The following PCDHGB3 variants were observed in gnomAD, a reference collection of about 807,000 sequenced individuals.
The protein encoded by PCDHGB3 is protocadherin gamma subfamily B, 3.
Under a neutral mutation model 59.2 loss-of-function variants are expected in PCDHGB3, and 40 were observed. The observed-to-expected ratio is 0.68, with a 90% CI of 0.52 to 0.88. The LOEUF (loss-of-function observed/expected upper bound fraction) is 0.88, where lower values mean the gene tolerates loss of function less well. Among genes scored for constraint, PCDHGB3 ranks in the 40% least tolerant of loss-of-function variants. PCDHGB3 has a pLI of 0.00. For missense variants in PCDHGB3, 1,309 were observed against 1,187.9 expected (o/e 1.10, Z -1.50); for synonymous variants, 581 against 503.6 (o/e 1.15, Z -2.06).
At position 141,477,748 on chromosome 5, in the gene PCDHGB3, C is replaced by T; in HGVS notation, c.2416-17059C>T. ...CAGCTCATATCAGCGATGGGGGCAC[C>T]CCGGTCCTAGCCACCAACATCAGCG... On this transcript the variant is annotated intron_variant, in intron 1 of 3. Transcript: ENST00000576222. The surrounding 1 kb of genome is among the most constrained non-coding windows in gnomAD (Gnocchi z 4.9). 6.2e-7 allele frequency: 1 copy of T among 1,613,872 alleles called. No homozygotes were observed. The highest frequency in any genetic ancestry group is 1.1e-5 in the South Asian group (1 of 91,080).
chr5:141,423,230 G>C (rs1223173152), intron 1 of PCDHGB3: 1 of 1,613,872 alleles, frequency 6.2e-7, no homozygotes, highest in Admixed American at 1.7e-5. Context: ...GTGGCCGACA[G>C]CATCCCCGAA....
At chr5:141,450,293 G>A (rs879439714) in intron 1 of PCDHGB3, among the ~76,000 whole-genome samples, 6 of 151,746 alleles carry the variant, frequency 4.0e-5, no homozygotes, top group Non-Finnish European at 7.4e-5. Flanking sequence ...GATTACAGGC[G>A]TGAGCCACCA....
In PCDHGB3 at chr5:141,477,854, C is replaced by G; in HGVS notation, c.2416-16953C>G. 3.1e-6 allele frequency: 5 copies of G among 1,614,098 alleles called. No individual in the cohort carries two copies. Among genetic ancestry groups the G allele is most frequent in the Non-Finnish European group, 4.2e-6 (5 of 1,180,004 alleles). ...GCCAGGTGGGAGCTCGGTGGAGATG[C>G]TGCCTCGAGGTACCTCAGCTGGCCA... On this transcript the variant is annotated intron_variant, in intron 1 of 3. Transcript: ENST00000576222. This position sits in a 1 kb window ranked among gnomAD's most constrained non-coding sequence, Gnocchi z 4.9.
At chr5:141,419,789 G>A (rs758649709) in intron 1 of PCDHGB3, 2 of 1,614,068 alleles carry the variant, frequency 1.2e-6, no homozygotes, top group South Asian at 2.2e-5. Context: ...GCGCCTGCTA[G>A]TCGCTGTAAG....
chr5:141,434,481 A>G (rs2097697198), intron 1 of PCDHGB3, among the ~76,000 whole-genome samples: 1 of 152,246 alleles, frequency 6.6e-6, no homozygotes, highest in Non-Finnish European at 1.5e-5. Context: ...GGCAAGGAAC[A>G]CCTGGCCCGC....
chr5:141,473,263 T>C (rs2099318134), intron 1 of PCDHGB3, among the ~76,000 whole-genome samples: 1 of 152,210 alleles, frequency 6.6e-6, no homozygotes, highest in African/African-American at 2.4e-5. Context: ...GTCCTTAGTG[T>C]ATGCTATGAT....
intron 1 of PCDHGB3, chr5:141,429,167 T>TAC (rs1357037045): frequency 6.6e-5 from 9 of 136,102 alleles, no homozygotes; most frequent in African/African-American, 8.8e-5. Context: ...AGACATTGTT[T>TAC]ATACACACAC....
intron 3 of PCDHGB3, among the ~76,000 whole-genome samples, chr5:141,510,518 GC>G (rs2099881500): frequency 6.6e-6 from 1 of 152,112 alleles, no homozygotes; most frequent in Non-Finnish European, 1.5e-5. Context: ...CCGTGTCACA[GC>G]CCTGAGAGAA....
chr5:141,375,096 T>C lies in PCDHGB3; in HGVS notation c.2415+2287T>C, dbSNP rs764268392. 1.9e-5 allele frequency: 30 copies of C among 1,613,836 alleles called. No homozygotes were observed. The highest frequency in any genetic ancestry group is 2.5e-5 in the Non-Finnish European group (29 of 1,179,900). ...AGAGCGAAAGTCTTAATAACTATCT[T>C]GGATGTCAATGATAATGTACCAGAA... is the stretch of plus-strand genomic sequence containing the variant. On this transcript the variant is annotated intron_variant, in intron 1 of 3. Coordinates refer to ENST00000576222, the MANE Select transcript of PCDHGB3 (RefSeq NM_018924.5).
At chr5:141,505,353 G>A (rs376781305) in intron 2 of PCDHGB3, 40 bp from the exon 3 acceptor site, 51 of 1,613,426 alleles carry the variant, frequency 3.2e-5, no homozygotes, top group East Asian at 2.7e-4. Flanking sequence ...GAGCTGTGCC[G>A]GCCTGGGAGT....
chr5:141,383,085 C>T (rs773972778), intron 1 of PCDHGB3: 1 of 1,613,744 alleles, frequency 6.2e-7, no homozygotes, highest in Non-Finnish European at 8.5e-7. Flanking sequence ...TGGCGGAGCG[C>T]GGAGTCCGCA....
At chr5:141,392,763 A>G in intron 1 of PCDHGB3, 4 of 1,480,256 alleles carry the variant, frequency 2.7e-6, no homozygotes, top group Non-Finnish European at 3.6e-6. Context: ...ACTAAATAAG[A>G]CCCATTTATG....
At chr5:141,422,997 C>T (rs114907564) in intron 1 of PCDHGB3, 28,679 of 1,614,218 alleles carry the variant, frequency 0.018, 311 homozygotes, top group Non-Finnish European at 0.021. Context: ...ACCTGGTGAC[C>T]AAGGTGGTTG....
intron 1 of PCDHGB3, chr5:141,407,948 G>T (rs978962452): frequency 7.0e-6 from 4 of 572,054 alleles, no homozygotes; most frequent in Non-Finnish European, 1.1e-5. Flanking sequence ...GCCGCTGTCG[G>T]CCAGTGCAGA....
At chr5:141,422,566 A>G (rs2096656660) in intron 1 of PCDHGB3, 1 of 1,614,020 alleles carries the variant, frequency 6.2e-7, no homozygotes, top group Non-Finnish European at 8.5e-7. Flanking sequence ...GGCAGATGAC[A>G]ACGATAACCC....
At chr5:141,383,997 T>C (rs1160859584) in intron 1 of PCDHGB3, 1 of 1,613,870 alleles carries the variant, frequency 6.2e-7, no homozygotes, top group Admixed American at 1.7e-5. Flanking sequence ...GGACAGTCAT[T>C]GCTCTTTTCT....
intron 1 of PCDHGB3, chr5:141,403,515 G>A: frequency 6.2e-7 from 1 of 1,614,024 alleles, no homozygotes; most frequent in Non-Finnish European, 8.5e-7. Context: ...GGAGACAATG[G>A]AGCCATAAAC....
At chr5:141,414,395 G>GAAAAGTCC (rs1226242642) in intron 1 of PCDHGB3, 1 of 1,613,924 alleles carries the variant, frequency 6.2e-7, no homozygotes, top group South Asian at 1.1e-5. Context: ...AGTTATTACA[G>GAAAAGTCC]ATTGGTGATA....
At chr5:141,409,030 G>C (rs377547144) in intron 1 of PCDHGB3, 2 of 1,614,010 alleles carry the variant, frequency 1.2e-6, no homozygotes, top group South Asian at 2.2e-5. Context: ...TCAATGCTGA[G>C]ATAAACTACT....
Sources: gnomAD v4.1 joint callset for allele counts (sites outside exome capture counted in the v4.1 genomes callset) on GRCh38, gnomAD v4.1.1 for gene constraint, Gnocchi (gnomAD v3.1) non-coding constraint, MANE v1.5 for transcripts, NCBI Gene and HGNC (gene_info 2026-07-23, HGNC 2026-07-21) for gene names.